Variants in CRTAC1 observed in about 807,000 individuals in gnomAD.
CRTAC1 encodes the protein cartilage acidic protein 1.
CRTAC1 carries 37 observed loss-of-function variants against 67.8 expected under a neutral mutation model. The observed-to-expected ratio is 0.55, with a 90% CI of 0.42 to 0.72. CRTAC1 has a LOEUF of 0.72. Ranked by LOEUF, CRTAC1 falls within the 30% of genes least tolerant of loss-of-function variation. The pLI is 0.00. For missense variants in CRTAC1, 780 were observed against 931.6 expected, an observed-to-expected ratio of 0.84 and a Z score of 2.12; for synonymous variants, 348 against 371.0, an observed-to-expected ratio of 0.94 and a Z score of 0.71.
chr10:97,884,418 C>A, intron 11 of CRTAC1, 67 bp from the exon 12 acceptor site: 1 of 1,386,350 alleles, frequency 7.2e-7, no homozygotes, highest in Non-Finnish European at 9.9e-7. Flanking sequence ...GAAGCATCAG[C>A]ATCAACTAAT....
chr10:97,969,159 C>T (rs892944454), intron 2 of CRTAC1, among the ~76,000 whole-genome samples: 1 of 152,154 alleles, frequency 6.6e-6, no homozygotes, highest in African/African-American at 2.4e-5. Flanking sequence ...TTGATAGGCA[C>T]CTTTTTTGGC....
At chr10:98,005,101 T>TATATA (rs376672605) in intron 2 of CRTAC1, among the ~76,000 whole-genome samples, 20 of 40,100 alleles carry the variant, frequency 5.0e-4, no homozygotes, top group East Asian at 3.6e-3. Flanking sequence ...TATATATATA[T>TATATA]TTTTTTTTTT....
intron 2 of CRTAC1, among the ~76,000 whole-genome samples, chr10:97,969,641 C>A (rs189973649): frequency 2.0e-5 from 3 of 152,274 alleles, no homozygotes; most frequent in African/African-American, 7.2e-5. Context: ...AATCCCTCCA[C>A]GCTCAGGAGT....
At chr10:97,947,567 T>G (rs898209775) in intron 2 of CRTAC1, among the ~76,000 whole-genome samples, 3 of 152,324 alleles carry the variant, frequency 2.0e-5, no homozygotes, top group Middle Eastern at 3.4e-3. Context: ...ATTGGAAAAG[T>G]ACACGTTCCG....
intron 3 of CRTAC1, among the ~76,000 whole-genome samples, chr10:97,933,234 A>T (rs998075635): frequency 6.6e-6 from 1 of 152,222 alleles, no homozygotes; most frequent in South Asian, 2.1e-4. Context: ...TGAAAAATTA[A>T]CTAAAACCGA....
intron 11 of CRTAC1, among the ~76,000 whole-genome samples, chr10:97,885,702 C>T (rs1243459900): frequency 6.6e-6 from 1 of 152,066 alleles, no homozygotes; most frequent in Non-Finnish European, 1.5e-5. Context: ...CAGGTCAGCC[C>T]CTGGGAAGGA....
intron 4 of CRTAC1, among the ~76,000 whole-genome samples, chr10:97,922,012 C>T (rs2050847160): frequency 6.6e-6 from 1 of 151,952 alleles, no homozygotes; most frequent in Admixed American, 6.6e-5. Context: ...AACCTGCATG[C>T]CTCTCCCCCC....
chr10:97,964,556 A>G (rs1179670600), intron 2 of CRTAC1, among the ~76,000 whole-genome samples: 1 of 152,234 alleles, frequency 6.6e-6, no homozygotes, highest in African/African-American at 2.4e-5. Flanking sequence ...AGCTGTTGGC[A>G]CGTAAGAAAC....
chr10:98,010,631 G>A (rs114056728), intron 2 of CRTAC1, among the ~76,000 whole-genome samples: 2,031 of 152,218 alleles, frequency 0.013, 50 homozygotes, highest in African/African-American at 0.045. Flanking sequence ...CTCAGCGGAG[G>A]TTTAGCTAAC....
intron 3 of CRTAC1, among the ~76,000 whole-genome samples, chr10:97,931,830 A>AC (rs999694042): frequency 8.6e-5 from 13 of 151,750 alleles, no homozygotes; most frequent in Admixed American, 1.3e-4. Context: ...CTAGTGTGTG[A>AC]CCCCCCCCAG....
intron 2 of CRTAC1, among the ~76,000 whole-genome samples, chr10:98,004,464 T>C (rs1432631274): frequency 5.9e-5 from 9 of 152,236 alleles, no homozygotes; most frequent in Admixed American, 2.6e-4. Context: ...CTTTTATTTC[T>C]AGGCTATGAG....
At chr10:97,873,802 G>C (rs2050117291) in intron 14 of CRTAC1, among the ~76,000 whole-genome samples, 1 of 152,198 alleles carries the variant, frequency 6.6e-6, no homozygotes, top group Non-Finnish European at 1.5e-5. Flanking sequence ...CTGGGAACGG[G>C]TGATACAGAT....
chr10:97,918,226 C>T (rs544921595), intron 4 of CRTAC1, among the ~76,000 whole-genome samples: 1 of 152,262 alleles, frequency 6.6e-6, no homozygotes, highest in African/African-American at 2.4e-5. Flanking sequence ...TCCCTTATTT[C>T]CCCTGTATTA....
At chr10:97,955,921 T>A (rs1484071766) in intron 2 of CRTAC1, among the ~76,000 whole-genome samples, 1 of 152,254 alleles carries the variant, frequency 6.6e-6, no homozygotes, top group Admixed American at 6.5e-5. Flanking sequence ...GGGGCTTTCT[T>A]GATATCTTTG....
At chr10:97,879,865 T>TGGGGGTG in intron 14 of CRTAC1, 3 of 226,632 alleles carry the variant, frequency 1.3e-5, no homozygotes, top group Non-Finnish European at 2.6e-5. Context: ...GGGGACGGGG[T>TGGGGGTG]GGGGGTGGAG....
chr10:97,956,043 C>T (rs1047658974), intron 2 of CRTAC1, among the ~76,000 whole-genome samples: 1 of 152,142 alleles, frequency 6.6e-6, no homozygotes, highest in African/African-American at 2.4e-5. Context: ...ACGTAAGAGG[C>T]AAAGGGAATC....
chr10:97,865,823 TGGGA>T, intron 14 of CRTAC1, 109 bp from the exon 15 acceptor site: 84 of 423,890 alleles, frequency 2.0e-4, no homozygotes, highest in East Asian at 3.0e-4. Context: ...CTGCCCGGGG[TGGGA>T]GGGAGGGTGA....
intron 13 of CRTAC1, among the ~76,000 whole-genome samples, chr10:97,880,910 C>T (rs1057431637): frequency 3.9e-5 from 6 of 152,118 alleles, no homozygotes; most frequent in African/African-American, 7.2e-5. Flanking sequence ...CTGATTTCTC[C>T]GTCTTTCTTG....
At chr10:97,994,944 G>A (rs1263825487) in intron 2 of CRTAC1, among the ~76,000 whole-genome samples, 1 of 152,210 alleles carries the variant, frequency 6.6e-6, no homozygotes, top group African/African-American at 2.4e-5. Context: ...CTCCCAAGCA[G>A]GGAGAATCCC....
Sources: gnomAD v4.1 joint callset for allele counts (sites outside exome capture counted in the v4.1 genomes callset) on GRCh38, gnomAD v4.1.1 for gene constraint, MANE v1.5 for transcripts, NCBI Gene and HGNC (gene_info 2026-07-23, HGNC 2026-07-21) for gene names.